The following FGD5 variants were observed in gnomAD, a reference collection of about 807,000 sequenced individuals.
The protein encoded by FGD5 is FYVE, RhoGEF and PH domain-containing protein 5.
In FGD5, 28 loss-of-function variants were observed where a neutral mutation model predicts 133.4. The ratio of observed to expected loss-of-function variants is 0.21; its 90% CI spans 0.16 to 0.29. The LOEUF is 0.29. Ranked by LOEUF, FGD5 falls within the 10% of genes least tolerant of loss-of-function variation. The pLI, the probability that FGD5 is intolerant of heterozygous loss-of-function variation, is 1.00. For missense variants in FGD5, 1,858 were observed against 1,895.2 expected, an observed-to-expected ratio of 0.98 and a Z score of 0.36; for synonymous variants, 810 against 776.5, an observed-to-expected ratio of 1.04 and a Z score of -0.72.
At chr3:14,814,971 T>C (rs1175363547), upstream of FGD5, among the ~76,000 whole-genome samples, 1 of 152,122 alleles carries the variant, frequency 6.6e-6, no homozygotes, top group Non-Finnish European at 1.5e-5. Flanking sequence ...ATCTGACCTC[T>C]TTTCACCTCA....
chr3:14,900,376 G>A, intron 7 of FGD5, 27 bp from the exon 8 acceptor site: 1 of 1,610,892 alleles, frequency 6.2e-7, no homozygotes, highest in Non-Finnish European at 8.5e-7. Context: ...ACCAGTAGCT[G>A]ACTCCTGGTT....
chr3:14,840,433 C>T (rs574062766), intron 1 of FGD5, among the ~76,000 whole-genome samples: 1 of 152,304 alleles, frequency 6.6e-6, no homozygotes, highest in South Asian at 2.1e-4. Flanking sequence ...GCATGAGCCA[C>T]CACGCCCAGC....
intron 1 of FGD5, among the ~76,000 whole-genome samples, chr3:14,846,322 A>G (rs1469244555): frequency 6.6e-6 from 1 of 152,062 alleles, no homozygotes; most frequent in African/African-American, 2.4e-5. Context: ...TTTTCAGCTC[A>G]TTGCCTCTCT....
intron 1 of FGD5, among the ~76,000 whole-genome samples, chr3:14,850,083 C>G (rs2037130017): frequency 6.6e-6 from 1 of 152,258 alleles, no homozygotes; most frequent in Non-Finnish European, 1.5e-5. Context: ...TCCTCCCCAG[C>G]TGCCTGGGGC....
At chr3:14,907,777 T>G in intron 10 of FGD5, 66 bp downstream of exon 10, 1 of 1,519,504 alleles carries the variant, frequency 6.6e-7, no homozygotes, top group South Asian at 1.2e-5. Flanking sequence ...GCCCCATTGT[T>G]CACTGGGCTG....
At chr3:14,857,255 A>G (rs906592971) in intron 1 of FGD5, among the ~76,000 whole-genome samples, 40 of 151,986 alleles carry the variant, frequency 2.6e-4, no homozygotes, top group African/African-American at 8.9e-4. Context: ...GGCTCAAGCA[A>G]TTCTCCTGCC....
chr3:14,835,115 GC>G (rs564017160), intron 1 of FGD5, among the ~76,000 whole-genome samples: 138 of 152,264 alleles, frequency 9.1e-4, no homozygotes, highest in African/African-American at 3.1e-3. Flanking sequence ...GGCAAGCGTT[GC>G]CCCCGCCTTA....
chr3:14,899,357 G>T (rs549152377), intron 7 of FGD5, among the ~76,000 whole-genome samples: 2 of 152,152 alleles, frequency 1.3e-5, no homozygotes, highest in East Asian at 3.9e-4. Flanking sequence ...TCAGTCCTGG[G>T]TCCCCTTCCC....
intron 4 of FGD5, among the ~76,000 whole-genome samples, chr3:14,886,711 T>C (rs987351517): frequency 6.6e-6 from 1 of 152,248 alleles, no homozygotes; most frequent in African/African-American, 2.4e-5. Flanking sequence ...CTGGTTATGT[T>C]GTGTTTTCAT....
chr3:14,850,369 T>G (rs1478531881), intron 1 of FGD5, among the ~76,000 whole-genome samples: 1 of 152,164 alleles, frequency 6.6e-6, no homozygotes. Context: ...ATATTCCTAG[T>G]GATTTAAAAG....
At chr3:14,912,516 G>T (rs945725204) in intron 11 of FGD5, among the ~76,000 whole-genome samples, 20 of 152,204 alleles carry the variant, frequency 1.3e-4, no homozygotes, top group Non-Finnish European at 2.9e-4. Context: ...CCCCACAGAT[G>T]CCTGAGTCCT....
At chr3:14,902,403 G>A (rs1003797517) in intron 9 of FGD5, among the ~76,000 whole-genome samples, 1 of 152,108 alleles carries the variant, frequency 6.6e-6, no homozygotes, top group African/African-American at 2.4e-5. Context: ...GCAAAGACAT[G>A]GAGGTTGGAC....
At position 14,843,705 on chromosome 3, in the gene FGD5, G is replaced by GTTTTTTTTTTTTT. The variant is rs1320831482; in HGVS notation, c.2526-20423_2526-20422insTTTTTTTTTTTTT. Among the ~76,000 whole-genome samples, 2 of 110,422 alleles carry GTTTTTTTTTTTTT rather than the reference G, an allele frequency of 1.8e-5. 1 individual carries two copies. 72.4% of individuals were successfully genotyped at this position (110,422 alleles called of 152,430 possible). ...AGGGTGCTTTTTTTTTTTTTTTTTG[G>GTTTTTTTTTTTTT]GGGGAGACAGAGTCTCATTCTGTCG... On this transcript the variant is annotated intron_variant, in intron 1 of 19. Transcript: ENST00000285046.
chr3:14,810,833 C>G (rs1575181000), upstream of FGD5: 1 of 984,826 alleles, frequency 1.0e-6, no homozygotes, highest in Non-Finnish European at 1.2e-6. Flanking sequence ...CGACGGCGGC[C>G]CGGGCCCCGC....
chr3:14,868,108 A>G lies in FGD5; in HGVS notation c.2658+3848A>G, dbSNP rs569290734. Among the ~76,000 whole-genome samples, 5 of 152,250 alleles carry G rather than the reference A, an allele frequency of 3.3e-5. No homozygotes were observed. In the South Asian group the frequency reaches 1.0e-3, roughly 32 times the overall value. ...GTGGAAGGAAAGAGGAAGGGAGAGA[A>G]GGAAAGCAAGAAAGACTTAAAAATA... On this transcript the variant is annotated intron_variant, in intron 2 of 19. Transcript: ENST00000285046.
At chr3:14,927,876 C>A (rs2125162942) in intron 18 of FGD5, among the ~76,000 whole-genome samples, 1 of 152,068 alleles carries the variant, frequency 6.6e-6, no homozygotes, top group South Asian at 2.1e-4. Context: ...CCATCCCCCC[C>A]AGCTCAGCCT....
rs1045797820 is a variant in FGD5 at position 14,820,845 on chromosome 3, T to C, written c.1774T>C (p.Ser592Pro). The change falls in exon 1 of 20, where the codon TCT becomes CCT. Residue 592 changes from serine (S) to proline (P), a missense_variant. Transcript: ENST00000285046. ...NLSLSCVIGS[S>P]GSFSQRNHLP... ...CTCTCTGTCGTGTGTAATTGGCTCCTCTGGGAGTTTCTCCCAGAGAAACCA... is the reference window on the plus strand; with the variant it reads ...CTCTCTGTCGTGTGTAATTGGCTCCCCTGGGAGTTTCTCCCAGAGAAACCA... 7 of 1,613,616 alleles carry C rather than the reference T, an allele frequency of 4.3e-6. No individual in the cohort carries two copies. The highest frequency in any genetic ancestry group is 5.9e-6 in the Non-Finnish European group (7 of 1,179,824).
At chr3:14,844,651 A>G (rs906953891) in intron 1 of FGD5, among the ~76,000 whole-genome samples, 3 of 152,058 alleles carry the variant, frequency 2.0e-5, no homozygotes, top group African/African-American at 7.2e-5. Flanking sequence ...CCCTGGCTGC[A>G]TAGTTCACTG....
At chr3:14,843,699 TTTTTG>T (rs1470374457) in intron 1 of FGD5, among the ~76,000 whole-genome samples, 3 of 141,134 alleles carry the variant, frequency 2.1e-5, no homozygotes, top group African/African-American at 8.2e-5. Flanking sequence ...TTTTTTTTTT[TTTTTG>T]GGGGGAGACA....
Sources: allele counts gnomAD v4.1 joint callset (sites outside exome capture counted in the v4.1 genomes callset), GRCh38; gene constraint gnomAD v4.1.1; transcripts MANE v1.5; gene names NCBI Gene and HGNC (gene_info 2026-07-23, HGNC 2026-07-21).